The following PCLO variants were observed in gnomAD, a reference collection of about 807,000 sequenced individuals.
PCLO encodes protein piccolo.
In PCLO, 82 loss-of-function variants were observed where a neutral mutation model predicts 427.5. The observed-to-expected ratio is 0.19, with a 90% CI of 0.16 to 0.23. The LOEUF (loss-of-function observed/expected upper bound fraction) is 0.23. PCLO is among the 10% of genes least tolerant of loss of function. The pLI, the probability that PCLO is intolerant of heterozygous loss-of-function variation, is 1.00. For missense variants in PCLO, 6,239 were observed against 6,115.9 expected (o/e 1.02, Z -0.67); for synonymous variants, 2,357 against 2,155.4 (o/e 1.09, Z -2.59).
At chr7:83,075,723 T>A (rs1179762268) in intron 3 of PCLO, among the ~76,000 whole-genome samples, 1 of 152,184 alleles carries the variant, frequency 6.6e-6, no homozygotes, top group Non-Finnish European at 1.5e-5. Context: ...CATATGTATA[T>A]ACACACATAC....
chr7:83,058,725 G>A (rs71557162), intron 3 of PCLO, among the ~76,000 whole-genome samples: 4,568 of 152,032 alleles, frequency 0.03, 111 homozygotes, highest in Admixed American at 0.066. Flanking sequence ...TATATTACAC[G>A]CTCAAGTTCA....
At chr7:83,003,489 C>T (rs1199646466) in intron 3 of PCLO, among the ~76,000 whole-genome samples, 1 of 151,578 alleles carries the variant, frequency 6.6e-6, no homozygotes, top group Non-Finnish European at 1.5e-5. Context: ...GATGGAAACA[C>T]ATAAAAATAT....
chr7:83,141,551 T>C (rs1791862154), intron 2 of PCLO, among the ~76,000 whole-genome samples: 1 of 152,220 alleles, frequency 6.6e-6, no homozygotes, highest in African/African-American at 2.4e-5. Flanking sequence ...AAGAAGATGA[T>C]CAGACAGGAT....
intron 3 of PCLO, among the ~76,000 whole-genome samples, chr7:83,050,208 GAAAAAAAAAAAAAAA>G (rs556193471): frequency 1.8e-4 from 1 of 5,456 alleles, no homozygotes; most frequent in Non-Finnish European, 3.6e-4. Flanking sequence ...CTGAAAAACT[GAAAAAAAAAAAAAAA>G]AAAAAAAAAA....
At chr7:82,947,120 C>A (rs1047625043) in intron 6 of PCLO, among the ~76,000 whole-genome samples, 6 of 152,154 alleles carry the variant, frequency 3.9e-5, no homozygotes, top group African/African-American at 9.7e-5. Context: ...CCTCTAGTTA[C>A]AATGACCTCC....
chr7:82,853,494 T>C (rs1285445045), intron 10 of PCLO, among the ~76,000 whole-genome samples: 1 of 152,138 alleles, frequency 6.6e-6, no homozygotes, highest in Non-Finnish European at 1.5e-5. Flanking sequence ...AATTTCCGTT[T>C]ATTGAAAATG....
chr7:83,036,086 C>T (rs1313757988), intron 3 of PCLO, among the ~76,000 whole-genome samples: 2 of 152,144 alleles, frequency 1.3e-5, no homozygotes, highest in Non-Finnish European at 2.9e-5. Flanking sequence ...CTGTCCTGAT[C>T]CCTTTCCTTC....
At chr7:82,959,956 T>C (rs1479549503) in intron 4 of PCLO, among the ~76,000 whole-genome samples, 1 of 152,150 alleles carries the variant, frequency 6.6e-6, no homozygotes, top group Non-Finnish European at 1.5e-5. Flanking sequence ...TTGGATCTCT[T>C]CCCATGGTGG....
intron 3 of PCLO, among the ~76,000 whole-genome samples, chr7:83,058,214 C>T (rs1789450326): frequency 6.6e-6 from 1 of 152,174 alleles, no homozygotes; most frequent in Non-Finnish European, 1.5e-5. Context: ...GAAATCAGGA[C>T]AGTTTGCCTC....
chr7:82,949,488 G>C lies in PCLO; in HGVS notation c.11100C>G (p.Thr3700=). ...GAATCACTCTTACCGTATAGCCCTCGGTATACTGAAAAGGAGCCCTGGAAC... is the reference window on the plus strand; with the variant it reads ...GAATCACTCTTACCGTATAGCCCTCCGTATACTGAAAAGGAGCCCTGGAAC... ...DESSRAPFQY[T]EGYTTKGSQT... is the part of the protein sequence containing the mutation. The change falls in exon 6 of 25, where the codon ACC becomes ACG. Residue 3700 remains threonine (T), a synonymous_variant. Coordinates refer to ENST00000333891, the MANE Select transcript of PCLO (RefSeq NM_033026.6). 6.2e-7 allele frequency: 1 copy of C among 1,601,382 alleles called. No homozygotes were observed. The highest frequency in any genetic ancestry group is 8.5e-7 in the Non-Finnish European group (1 of 1,173,902).
At chr7:83,019,973 T>C (rs1788301481) in intron 3 of PCLO, among the ~76,000 whole-genome samples, 2 of 152,122 alleles carry the variant, frequency 1.3e-5, no homozygotes, top group Admixed American at 6.6e-5. Context: ...TTAGGAGATA[T>C]GTAGCTCTCA....
At chr7:82,820,572 G>T in intron 20 of PCLO, 1 of 1,226,330 alleles carries the variant, frequency 8.2e-7, no homozygotes, top group South Asian at 4.3e-5. Flanking sequence ...ATGGAAACAC[G>T]AGTGGAAAAT....
chr7:83,120,128 C>T (rs1223402532), intron 3 of PCLO, among the ~76,000 whole-genome samples: 1 of 152,066 alleles, frequency 6.6e-6, no homozygotes, highest in East Asian at 1.9e-4. Context: ...GGAGGCCAGG[C>T]ATGGTGGTTC....
At chr7:82,822,096 C>CTTTTT in intron 20 of PCLO, 2 of 914,206 alleles carry the variant, frequency 2.2e-6, no homozygotes, top group Non-Finnish European at 2.6e-6. Context: ...TATGTGTGCA[C>CTTTTT]TTTTTTTTTT....
chr7:82,841,989 T>C lies in PCLO; in HGVS notation c.14047-480A>G, dbSNP rs1014300384. 8.5e-5 allele frequency among the ~76,000 whole-genome samples: 13 copies of C among 152,180 alleles called. No homozygotes were observed. In the South Asian group the frequency reaches 1.0e-3, roughly 12 times the overall value. ...CTTCCAGAGTGAATCACCCACTCAA[T>C]CACTTTCCCTATAAAAATTCCAAAG... On this transcript the variant is annotated intron_variant, in intron 13 of 24. Transcript: ENST00000333891.
chr7:82,777,884 A>C (rs1034455327), intron 22 of PCLO, among the ~76,000 whole-genome samples: 1 of 152,188 alleles, frequency 6.6e-6, no homozygotes, highest in African/African-American at 2.4e-5. Context: ...TGAAGACGCC[A>C]AAAGCAATTG....
At position 83,156,200 on chromosome 7, in the gene PCLO, C is replaced by T. The variant is rs763150249; in HGVS notation, c.441G>A (p.Glu147=). Residue 147 remains glutamate, a synonymous_variant, in exon 2 of 25, where the codon GAG becomes GAA. Coordinates refer to ENST00000333891, the MANE Select transcript of PCLO (RefSeq NM_033026.6). The stretch of plus-strand genomic sequence containing the variant: ...AGCCAGGCATCATACTAGACTTGTG[C>T]TCTTCCTTTAAATCAGTTCTGGACT... ...ESKSRTDLKE[E]HKSSMMPGFL... The T allele has an allele frequency of 6.2e-7, 1 of 1,613,752 alleles. No homozygotes were observed. The highest frequency in any genetic ancestry group is 1.7e-5 in the Admixed American group (1 of 60,016).
At chr7:82,991,584 A>G (rs960745361) in intron 3 of PCLO, among the ~76,000 whole-genome samples, 3 of 152,164 alleles carry the variant, frequency 2.0e-5, no homozygotes, top group Non-Finnish European at 1.5e-5. Flanking sequence ...CTTTTTAAAG[A>G]GTTTTCAAAG....
chr7:83,022,803 C>A (rs182504006), intron 3 of PCLO, among the ~76,000 whole-genome samples: 1 of 152,082 alleles, frequency 6.6e-6, no homozygotes, highest in East Asian at 1.9e-4. Context: ...TGCAATAGCT[C>A]CTAAGTGCCT....
Sources: gnomAD v4.1 joint callset for allele counts (sites outside exome capture counted in the v4.1 genomes callset) on GRCh38, gnomAD v4.1.1 for gene constraint, MANE v1.5 for transcripts, NCBI Gene and HGNC (gene_info 2026-07-23, HGNC 2026-07-21) for gene names.